The following PRRG1 variants were observed in gnomAD, a reference collection of about 807,000 sequenced individuals.
The protein encoded by PRRG1 is transmembrane gamma-carboxyglutamic acid protein 1.
Under a neutral mutation model 11.8 loss-of-function variants are expected in PRRG1, and 5 were observed. That is an observed-to-expected ratio of 0.42 (90% CI 0.22 to 0.89). The LOEUF is 0.89. Ranked by LOEUF, PRRG1 falls within the 40% of genes least tolerant of loss-of-function variation. The pLI, the probability that PRRG1 is intolerant of heterozygous loss-of-function variation, is 0.28. For synonymous variants in PRRG1, 66 were observed against 60.4 expected (o/e 1.09, Z -0.43); for missense variants, 155 against 166.1 (o/e 0.93, Z 0.37).
intron 1 of PRRG1, among the ~76,000 whole-genome samples, chrX:37,399,446 C>A (rs1289041663): frequency 9.2e-6 from 1 of 109,126 alleles, no homozygotes; most frequent in Non-Finnish European, 1.9e-5. Flanking sequence ...GATTTTGTCA[C>A]CACCAGGCCT....
intron 2 of PRRG1, among the ~76,000 whole-genome samples, chrX:37,422,778 A>G (rs1556387384): frequency 8.9e-6 from 1 of 111,837 alleles, no homozygotes; most frequent in Non-Finnish European, 1.9e-5. Context: ...TCTATTGCCT[A>G]GTGACATCAT....
chrX:37,365,226 G>A (rs900864115), intron 1 of PRRG1, among the ~76,000 whole-genome samples: 4 of 111,414 alleles, frequency 3.6e-5, no homozygotes, highest in South Asian at 3.9e-4. Flanking sequence ...AGAGCCCTTC[G>A]TATTTATTGG....
chrX:37,381,668 A>G (rs939995966), intron 1 of PRRG1, among the ~76,000 whole-genome samples: 5 of 111,022 alleles, frequency 4.5e-5, no homozygotes, highest in African/African-American at 1.6e-4. Flanking sequence ...TTATTTTTAA[A>G]CTTTTATTTT....
rs6611272 is a variant in PRRG1, at chrX:37,395,530, G to T, written c.-41-10679G>T. On this transcript the variant is annotated intron_variant, in intron 1 of 3. Coordinates refer to ENST00000378628, the MANE Select transcript of PRRG1 (RefSeq NM_001142395.2). ...CTCGGGAGGCTGAGGCAGGAGAATC[G>T]CTTGAACCCGGGAGGCGGAGGTTGC... Among the ~76,000 whole-genome samples the T allele has an allele frequency of 4.3e-4, 46 of 108,146 alleles. 1 individual carries two copies. In the East Asian group the frequency reaches 0.012, roughly 27 times the overall value. The allele number at this position is 108,146 out of a possible 115,157, so 93.9% of individuals were successfully genotyped here. A position where few individuals can be genotyped will look rare whatever the true frequency, so the allele number is the denominator to read the frequency against.
chrX:37,375,329 C>T (rs1324206960), intron 1 of PRRG1, among the ~76,000 whole-genome samples: 1 of 111,297 alleles, frequency 9.0e-6, no homozygotes. Context: ...TTCCTTCTTC[C>T]AGGTCAGTTA....
chrX:37,438,433 T>C (rs1932918262), intron 3 of PRRG1, among the ~76,000 whole-genome samples: 1 of 100,205 alleles, frequency 1.0e-5, no homozygotes, highest in Non-Finnish European at 2.0e-5. Context: ...TTTTTTCCTT[T>C]TTTTTTTTTT....
intron 1 of PRRG1, among the ~76,000 whole-genome samples, chrX:37,405,649 T>C (rs1932165503): frequency 9.0e-6 from 1 of 111,445 alleles, no homozygotes; most frequent in Non-Finnish European, 1.9e-5. Context: ...GTTTCTGTTG[T>C]CAGTAGTTTA....
At position 37,361,418 on chromosome X, in the gene PRRG1, C is replaced by G. The variant is rs189791009; in HGVS notation, c.-42+12023C>G. On this transcript the variant is annotated intron_variant, in intron 1 of 3. Transcript: ENST00000378628. Reference sequence around the variant, plus strand: ...AATAATTGGTATAGTTATTTTCAACCTCATTCAAATACCGATGATGAGTTT... The same window carrying G: ...AATAATTGGTATAGTTATTTTCAACGTCATTCAAATACCGATGATGAGTTT... Among the ~76,000 whole-genome samples, 4 of 111,489 alleles carry G rather than the reference C, an allele frequency of 3.6e-5. No individual in the cohort carries two copies. In the East Asian group the frequency reaches 1.1e-3, roughly 31 times the overall value.
intron 2 of PRRG1, among the ~76,000 whole-genome samples, chrX:37,410,820 C>T (rs1455298423): frequency 2.7e-5 from 3 of 112,237 alleles, no homozygotes; most frequent in Admixed American, 1.9e-4. Context: ...GAAACTCACC[C>T]GTTTGACTGA....
chrX:37,359,250 A>G (rs782600178), intron 1 of PRRG1, among the ~76,000 whole-genome samples: 1 of 110,841 alleles, frequency 9.0e-6, no homozygotes, highest in Non-Finnish European at 1.9e-5. Context: ...ACCATTAAGT[A>G]TGATGTCAAC....
chrX:37,424,341 T>A (rs1169269490), intron 2 of PRRG1, among the ~76,000 whole-genome samples: 1 of 111,144 alleles, frequency 9.0e-6, no homozygotes, highest in African/African-American at 3.3e-5. Flanking sequence ...GTTAGAAATG[T>A]AATTTTATAG....
At chrX:37,396,755 A>T (rs1465390826) in intron 1 of PRRG1, among the ~76,000 whole-genome samples, 1 of 111,602 alleles carries the variant, frequency 9.0e-6, no homozygotes, top group Non-Finnish European at 1.9e-5. Flanking sequence ...AAAAGCAGAT[A>T]ATTTGTCTCT....
chrX:37,427,692 A>G (rs962573590), intron 3 of PRRG1, among the ~76,000 whole-genome samples: 2 of 111,959 alleles, frequency 1.8e-5, no homozygotes, highest in Non-Finnish European at 3.8e-5. Flanking sequence ...TTCCATATAT[A>G]AGTGAGATCC....
intron 1 of PRRG1, among the ~76,000 whole-genome samples, chrX:37,385,089 A>G (rs1466762691): frequency 8.9e-6 from 1 of 112,270 alleles, no homozygotes; most frequent in Non-Finnish European, 1.9e-5. Flanking sequence ...GAAATAACTT[A>G]AATTTCTGTC....
At chrX:37,407,570 C>T (rs782492316) in intron 2 of PRRG1, among the ~76,000 whole-genome samples, 1 of 111,599 alleles carries the variant, frequency 9.0e-6, no homozygotes, top group South Asian at 3.8e-4. Context: ...TCCCTAAACT[C>T]GTTTGTTCAT....
chrX:37,457,215 TTA>T lies in PRRG1; in HGVS notation c.*3596_*3597del, dbSNP rs1372295640. On this transcript the variant is annotated 3_prime_UTR_variant, in exon 4 of 4. Transcript: ENST00000378628. ...ATTAAATTATGGTATTTAACTATTT[TTA>T]TGTTTATACTAGGTAGGGTCTTTCT... 5 of 112,266 alleles carry T rather than the reference TTA, an allele frequency of 4.5e-5. No homozygotes were observed. The highest frequency in any genetic ancestry group is 1.9e-5 in the Non-Finnish European group (1 of 53,190). The allele number at this position is 112,266 out of a possible 1,213,427, so 9.3% of individuals were successfully genotyped here.
chrX:37,435,670 A>G (rs1932877499), intron 3 of PRRG1, among the ~76,000 whole-genome samples: 1 of 111,372 alleles, frequency 9.0e-6, no homozygotes, highest in South Asian at 3.8e-4. Context: ...AGAGAAATCC[A>G]AAAACCAAAA....
chrX:37,356,158 A>G (rs1419470618), intron 1 of PRRG1, among the ~76,000 whole-genome samples: 1 of 112,081 alleles, frequency 8.9e-6, no homozygotes, highest in Non-Finnish European at 1.9e-5. Context: ...TAAGAAATAT[A>G]TATATAATTT....
chrX:37,440,581 T>C (rs1395394899), intron 3 of PRRG1, among the ~76,000 whole-genome samples: 12 of 112,176 alleles, frequency 1.1e-4, no homozygotes, highest in Non-Finnish European at 2.1e-4. Context: ...TCTAAAGTTA[T>C]TGAAAATTTT....
Sources: allele counts gnomAD v4.1 joint callset (sites outside exome capture counted in the v4.1 genomes callset), GRCh38; gene constraint gnomAD v4.1.1; transcripts MANE v1.5; gene names NCBI Gene and HGNC (gene_info 2026-07-23, HGNC 2026-07-21).